The following CREB5 variants were observed in gnomAD, a reference collection of about 807,000 sequenced individuals.
CREB5 encodes cAMP responsive element binding protein 5, also known as cyclic AMP-responsive element-binding protein 5.
Under a neutral mutation model 57.1 loss-of-function variants are expected in CREB5, and 19 were observed. That is an observed-to-expected ratio of 0.33 (90% confidence interval 0.23 to 0.49). CREB5 has a LOEUF of 0.49. Among genes scored for constraint, CREB5 ranks in the 20% least tolerant of loss-of-function variants. CREB5 has a pLI of 0.99. For synonymous variants in CREB5, 238 were observed against 238.3 expected (o/e 1.00, Z 0.01); for missense variants, 579 against 671.6 (o/e 0.86, Z 1.52).
At chr7:28,485,017 T>C (rs914527788) in intron 1 of CREB5, among the ~76,000 whole-genome samples, 1 of 152,222 alleles carries the variant, frequency 6.6e-6, no homozygotes, top group African/African-American at 2.4e-5. Context: ...CAAACCATGT[T>C]GATATCGGAC....
chr7:28,351,485 A>G (rs1296937229), intron 1 of CREB5, among the ~76,000 whole-genome samples: 1 of 152,200 alleles, frequency 6.6e-6, no homozygotes, highest in Non-Finnish European at 1.5e-5. Context: ...GTGTTCTTTG[A>G]TAACTCTGAG....
At chr7:28,805,745 C>T (rs1808688872) in intron 8 of CREB5, among the ~76,000 whole-genome samples, 1 of 152,064 alleles carries the variant, frequency 6.6e-6, no homozygotes, top group Non-Finnish European at 1.5e-5. Context: ...CTGCCTTCCT[C>T]ACTGTGTGAT....
chr7:28,644,082 A>G (rs989345139), intron 5 of CREB5, among the ~76,000 whole-genome samples: 1 of 151,934 alleles, frequency 6.6e-6, no homozygotes, highest in African/African-American at 2.4e-5. Flanking sequence ...AGTGTCAAAG[A>G]AAGAAAAGGA....
At chr7:28,658,524 C>T (rs1386404892) in intron 5 of CREB5, among the ~76,000 whole-genome samples, 1 of 152,168 alleles carries the variant, frequency 6.6e-6, no homozygotes, top group African/African-American at 2.4e-5. Flanking sequence ...CAAGAGAAGC[C>T]AGTCCCTGCA....
chr7:28,367,814 A>AACAG lies in CREB5; in HGVS notation c.-25+68376_-25+68377insGACA, dbSNP rs773397209. Among the ~76,000 whole-genome samples the AACAG allele has an allele frequency of 8.5e-4, 129 of 152,110 alleles. 1 individual carries two copies. Among genetic ancestry groups the AACAG allele is most frequent in the East Asian group, 6.2e-3 (32 of 5,168 alleles). ...CAGAGCAAGACTCCATTTCAAAACA[A>AACAG]ACAAACAGACAAACAAACAAACAAA... On this transcript the variant is annotated intron_variant, in intron 1 of 9. Transcript: ENST00000396299.
chr7:28,633,818 A>G (rs1337233841), intron 5 of CREB5, among the ~76,000 whole-genome samples: 1 of 152,196 alleles, frequency 6.6e-6, no homozygotes, highest in Non-Finnish European at 1.5e-5. Flanking sequence ...CCCCTTGGTC[A>G]TACATCTTCA....
chr7:28,320,919 G>A (rs569569742), intron 1 of CREB5, among the ~76,000 whole-genome samples: 1 of 152,312 alleles, frequency 6.6e-6, no homozygotes, highest in African/African-American at 2.4e-5. Flanking sequence ...GATACGTAAT[G>A]CAGAGAGGCA....
At chr7:28,306,686 G>A (rs1302884663) in intron 1 of CREB5, among the ~76,000 whole-genome samples, 1 of 145,084 alleles carries the variant, frequency 6.9e-6, no homozygotes, top group East Asian at 2.2e-4. Context: ...TCAGCCTCCC[G>A]AGTAGCTGGG....
chr7:28,671,796 T>C (rs1800051342), intron 5 of CREB5, among the ~76,000 whole-genome samples: 1 of 152,192 alleles, frequency 6.6e-6, no homozygotes, highest in Non-Finnish European at 1.5e-5. Context: ...CTGTCTGAAT[T>C]TTTGTTTCCT....
At chr7:28,521,559 T>G (rs1219338369) in intron 4 of CREB5, among the ~76,000 whole-genome samples, 1 of 152,224 alleles carries the variant, frequency 6.6e-6, no homozygotes, top group Non-Finnish European at 1.5e-5. Context: ...CTTGCCAAAA[T>G]TCAAACAGTA....
chr7:28,762,215 T>A (rs1200722879), intron 7 of CREB5, among the ~76,000 whole-genome samples: 1 of 152,210 alleles, frequency 6.6e-6, no homozygotes, highest in Admixed American at 6.5e-5. Context: ...TTTGGGTCGA[T>A]GAACTTCAAA....
At chr7:28,634,578 C>G (rs1350899363) in intron 5 of CREB5, among the ~76,000 whole-genome samples, 1 of 152,146 alleles carries the variant, frequency 6.6e-6, no homozygotes, top group East Asian at 1.9e-4. Flanking sequence ...AAGCCCTCCC[C>G]TGTGTATCAT....
chr7:28,412,260 G>C (rs1253033690), upstream of CREB5, among the ~76,000 whole-genome samples: 2 of 152,188 alleles, frequency 1.3e-5, no homozygotes, highest in Non-Finnish European at 2.9e-5. Flanking sequence ...GTAAAAGTTT[G>C]TAGTGCCATT....
At chr7:28,473,856 C>T (rs777462110) in intron 1 of CREB5, among the ~76,000 whole-genome samples, 4 of 152,186 alleles carry the variant, frequency 2.6e-5, no homozygotes, top group African/African-American at 7.2e-5. Flanking sequence ...GACCCTGGCC[C>T]GTGGCAGGGA....
chr7:28,782,345 C>T (rs1265096058), intron 7 of CREB5, among the ~76,000 whole-genome samples: 1 of 147,040 alleles, frequency 6.8e-6, no homozygotes. Flanking sequence ...TATTTAAAAT[C>T]TTATTTTGAT....
At chr7:28,393,357 T>C (rs1378388324) in intron 1 of CREB5, among the ~76,000 whole-genome samples, 1 of 152,216 alleles carries the variant, frequency 6.6e-6, no homozygotes, top group Middle Eastern at 3.2e-3. Flanking sequence ...CAAACAACTC[T>C]CCCCTGTTTC....
intron 1 of CREB5, among the ~76,000 whole-genome samples, chr7:28,348,324 C>G (rs1314650980): frequency 2.6e-5 from 4 of 152,038 alleles, no homozygotes; most frequent in African/African-American, 7.3e-5. Context: ...ATTCTCCAAA[C>G]AGCAGCTTCC....
intron 3 of CREB5, among the ~76,000 whole-genome samples, chr7:28,500,779 C>A (rs1792242246): frequency 6.6e-6 from 1 of 152,132 alleles, no homozygotes; most frequent in East Asian, 1.9e-4. Context: ...ACTCCAAATT[C>A]TTTTTTAGAA....
At chr7:28,500,208 T>C (rs183567144) in intron 3 of CREB5, among the ~76,000 whole-genome samples, 18 of 152,258 alleles carry the variant, frequency 1.2e-4, no homozygotes, top group Middle Eastern at 3.4e-3. Context: ...TAAGTATCAG[T>C]TAGTGACAAG....
Sources: gnomAD v4.1 joint callset for allele counts (sites outside exome capture counted in the v4.1 genomes callset) on GRCh38, gnomAD v4.1.1 for gene constraint, MANE v1.5 for transcripts, NCBI Gene and HGNC (gene_info 2026-07-23, HGNC 2026-07-21) for gene names.